Variants in EPB41L4A observed in about 807,000 individuals in gnomAD.
EPB41L4A encodes the protein band 4.1-like protein 4A.
Under a neutral mutation model 108.6 loss-of-function variants are expected in EPB41L4A, and 100 were observed. The observed-to-expected ratio is 0.92, with a 90% CI of 0.78 to 1.09. The LOEUF (loss-of-function observed/expected upper bound fraction) is 1.09. Ranked by LOEUF, EPB41L4A falls within the 50% of genes least tolerant of loss-of-function variation. The pLI is 0.00. For missense variants in EPB41L4A, 1,030 were observed against 842.7 expected (o/e 1.22, Z -2.75); for synonymous variants, 319 against 289.0 (o/e 1.10, Z -1.05).
intron 1 of EPB41L4A, among the ~76,000 whole-genome samples, chr5:112,316,002 T>C (rs904216488): frequency 1.3e-5 from 2 of 152,206 alleles, no homozygotes; most frequent in African/African-American, 2.4e-5. Context: ...ACTTAACTCT[T>C]AGCAAATGAG....
At chr5:112,284,834 G>C (rs1338745522) in intron 2 of EPB41L4A, among the ~76,000 whole-genome samples, 1 of 152,180 alleles carries the variant, frequency 6.6e-6, no homozygotes, top group African/African-American at 2.4e-5. Flanking sequence ...AGCAATGACA[G>C]ACCCTTCTTA....
chr5:112,380,822 C>A (rs1760129517), intron 1 of EPB41L4A, among the ~76,000 whole-genome samples: 1 of 128,832 alleles, frequency 7.8e-6, no homozygotes, highest in Admixed American at 7.9e-5. Flanking sequence ...CACACACACA[C>A]ACACACAATT....
intron 4 of EPB41L4A, among the ~76,000 whole-genome samples, chr5:112,270,994 G>A (rs920577810): frequency 2.0e-5 from 3 of 152,096 alleles, no homozygotes; most frequent in African/African-American, 7.2e-5. Context: ...CATTCCAATG[G>A]CATTTCAGAT....
chr5:112,162,330 GATTA>G (rs1759958467), downstream of EPB41L4A: 1 of 152,184 alleles, frequency 6.6e-6, no homozygotes, highest in African/African-American at 2.4e-5. Flanking sequence ...TGTTTTAAGT[GATTA>G]ACTGCCAGAA....
chr5:112,157,037 A>G (rs556700618), intron 12 of EPB41L4A, among the ~76,000 whole-genome samples: 1 of 152,304 alleles, frequency 6.6e-6, no homozygotes, highest in East Asian at 1.9e-4. Context: ...CCCCGAAAAT[A>G]TAAAGACATT....
chr5:112,307,197 C>A (rs1754745184), intron 2 of EPB41L4A, among the ~76,000 whole-genome samples, 189 bp downstream of exon 2: 1 of 152,138 alleles, frequency 6.6e-6, no homozygotes, highest in Non-Finnish European at 1.5e-5. Flanking sequence ...GCTGTGAATC[C>A]AGCAACTCTA....
At chr5:112,210,031 A>G in intron 12 of EPB41L4A, 49 bp from the exon 13 acceptor site, 1 of 1,109,722 alleles carries the variant, frequency 9.0e-7, no homozygotes, top group Non-Finnish European at 1.3e-6. Flanking sequence ...AACAGTGATA[A>G]GGAAATGAAA....
In EPB41L4A at chr5:112,164,453, T is replaced by G. The variant is rs2150185985; in HGVS notation, c.*537A>C. ...GACACAGACACAAGATAGAAATGAA[T>G]GATTGCTATCCTGTTCCAGAAATGA... On this transcript the variant is annotated 3_prime_UTR_variant, in exon 23 of 23. Coordinates refer to ENST00000261486, the MANE Select transcript of EPB41L4A (RefSeq NM_022140.5). 1 of 152,366 alleles carries G rather than the reference T, an allele frequency of 6.6e-6. No individual in the cohort carries two copies. Among genetic ancestry groups the G allele is most frequent in the African/African-American group, 2.4e-5 (1 of 41,584 alleles). 9.4% of individuals were successfully genotyped at this position (152,366 alleles called of 1,614,324 possible).
intron 22 of EPB41L4A, among the ~76,000 whole-genome samples, chr5:112,166,084 CTA>C (rs1347680388): frequency 1.3e-5 from 2 of 152,156 alleles, no homozygotes; most frequent in African/African-American, 4.8e-5. Context: ...GAAATAAGTA[CTA>C]TGTTGTAAGT....
intron 12 of EPB41L4A, among the ~76,000 whole-genome samples, chr5:112,215,362 G>A (rs538882106): frequency 6.6e-6 from 1 of 152,310 alleles, no homozygotes; most frequent in South Asian, 2.1e-4. Context: ...TTAAGGCTTT[G>A]AAGTAAATCT....
intron 15 of EPB41L4A, among the ~76,000 whole-genome samples, chr5:112,199,529 T>C (rs1762119898): frequency 6.6e-6 from 1 of 152,194 alleles, no homozygotes; most frequent in Non-Finnish European, 1.5e-5. Context: ...ATCTCTATAT[T>C]TCAAGTAACA....
Position 112,163,973 on chromosome 5 carries a change from T to C in EPB41L4A, c.*1017A>G, listed in dbSNP as rs536388635. Reference sequence around the variant, plus strand: ...AACTGTACGTGGTAAGGGGGAGATATAAGATGTCCTGCATAAGTATTTTCC... The same window carrying C: ...AACTGTACGTGGTAAGGGGGAGATACAAGATGTCCTGCATAAGTATTTTCC... On this transcript the variant is annotated 3_prime_UTR_variant, in exon 23 of 23. Transcript: ENST00000261486. 1 of 152,266 alleles carries C rather than the reference T, an allele frequency of 6.6e-6. No homozygotes were observed. The highest frequency in any genetic ancestry group is 2.4e-5 in the African/African-American group (1 of 41,516). The allele number at this position is 152,266 out of a possible 1,614,324, so 9.4% of individuals were successfully genotyped here.
Position 112,163,381 on chromosome 5 carries a change from G to A in EPB41L4A, c.*1609C>T, listed in dbSNP as rs1228226336. Reference sequence around the variant, plus strand: ...TTTTGCAGTAGCACATTACTCAGTAGTCTAAACTACAGAAATAAACCTTAA... The same window carrying A: ...TTTTGCAGTAGCACATTACTCAGTAATCTAAACTACAGAAATAAACCTTAA... On this transcript the variant is annotated 3_prime_UTR_variant, in exon 23 of 23. Coordinates refer to ENST00000261486, the MANE Select transcript of EPB41L4A (RefSeq NM_022140.5). 1 of 152,166 alleles carries A rather than the reference G, an allele frequency of 6.6e-6. No individual in the cohort carries two copies. The highest frequency in any genetic ancestry group is 2.4e-5 in the African/African-American group (1 of 41,414). The allele number at this position is 152,166 out of a possible 1,614,324, so 9.4% of individuals were successfully genotyped here. A position where few individuals can be genotyped will look rare whatever the true frequency, so the allele number is the denominator to read the frequency against.
intron 18 of EPB41L4A, 66 bp from the exon 19 acceptor site, chr5:112,171,058 T>G: frequency 7.3e-7 from 1 of 1,367,318 alleles, no homozygotes; most frequent in Non-Finnish European, 1.0e-6. Context: ...AATAACTAAC[T>G]TTAATAGTTT....
chr5:112,370,227 G>C (rs929702421), intron 1 of EPB41L4A, among the ~76,000 whole-genome samples: 1 of 150,148 alleles, frequency 6.7e-6, no homozygotes, highest in Non-Finnish European at 1.5e-5. Context: ...TGTAAAGACA[G>C]GGTCTTGCCA....
At chr5:112,266,169 C>A in intron 5 of EPB41L4A, 64 bp downstream of exon 5, 1 of 1,202,838 alleles carries the variant, frequency 8.3e-7, no homozygotes, top group Non-Finnish European at 1.2e-6. Flanking sequence ...TGTAAACTCC[C>A]TTTTAAAAAT....
intron 15 of EPB41L4A, among the ~76,000 whole-genome samples, chr5:112,198,315 G>A (rs1227854326): frequency 6.6e-6 from 1 of 152,146 alleles, no homozygotes; most frequent in East Asian, 1.9e-4. Flanking sequence ...TTACAGGCAT[G>A]AGCCACCGTA....
chr5:112,219,323 A>C (rs567587572), intron 12 of EPB41L4A, among the ~76,000 whole-genome samples: 2 of 152,196 alleles, frequency 1.3e-5, no homozygotes, highest in African/African-American at 4.8e-5. Context: ...AGCGTCTGGC[A>C]TTTCCCCTGC....
chr5:112,215,612 A>T (rs1357255242), intron 12 of EPB41L4A, among the ~76,000 whole-genome samples: 3 of 151,910 alleles, frequency 2.0e-5, no homozygotes, highest in Non-Finnish European at 2.9e-5. Flanking sequence ...AAATACAAAA[A>T]ATTAGCCAGG....
Sources: allele counts gnomAD v4.1 joint callset (sites outside exome capture counted in the v4.1 genomes callset), GRCh38; gene constraint gnomAD v4.1.1; transcripts MANE v1.5; gene names NCBI Gene and HGNC (gene_info 2026-07-23, HGNC 2026-07-21).